The following ARID1B variants were observed in gnomAD, a reference collection of about 807,000 sequenced individuals.
ARID1B encodes AT-rich interaction domain 1B.
A neutral mutation model predicts 212.3 loss-of-function variants in ARID1B; 30 were observed. The ratio of observed to expected loss-of-function variants is 0.14; its 90% CI spans 0.11 to 0.19. The LOEUF (loss-of-function observed/expected upper bound fraction) is 0.19. Ranked by LOEUF, ARID1B falls within the 10% of genes least tolerant of loss-of-function variation. The probability of loss-of-function intolerance (pLI) is 1.00; values close to 1 mark genes in which losing one functional copy is unlikely to be tolerated. For synonymous variants in ARID1B, 1,402 were observed against 1,301.7 expected (o/e 1.08, Z -1.66); for missense variants, 2,891 against 3,204.0 (o/e 0.90, Z 2.36).
chr6:157,095,438 A>T (rs1308716067), intron 5 of ARID1B, among the ~76,000 whole-genome samples: 1 of 152,264 alleles, frequency 6.6e-6, no homozygotes, highest in African/African-American at 2.4e-5. Flanking sequence ...TGGGGTACCC[A>T]AAAAGGTAGA....
intron 4 of ARID1B, among the ~76,000 whole-genome samples, chr6:157,053,757 G>A (rs1782754816): frequency 6.6e-6 from 1 of 152,068 alleles, no homozygotes; most frequent in African/African-American, 2.4e-5. Flanking sequence ...GATTTATTAT[G>A]ATAGCATGAA....
chr6:157,036,531 A>T (rs1781337570), intron 4 of ARID1B: 1 of 280,040 alleles, frequency 3.6e-6, no homozygotes, highest in Non-Finnish European at 7.1e-6. Flanking sequence ...GGTGAGAAGG[A>T]TGATTCTACT....
chr6:157,145,710 G>A (rs1789678920), intron 7 of ARID1B, among the ~76,000 whole-genome samples: 1 of 152,186 alleles, frequency 6.6e-6, no homozygotes, highest in African/African-American at 2.4e-5. Context: ...AGCAGAGTGT[G>A]TCATGCTTGG....
intron 3 of ARID1B, among the ~76,000 whole-genome samples, chr6:156,912,082 T>C: frequency 6.6e-6 from 1 of 152,214 alleles, no homozygotes; most frequent in South Asian, 2.1e-4. Flanking sequence ...AAACATGTAA[T>C]GCATATATAA....
At chr6:157,099,959 T>TTA (rs1260359388) in intron 5 of ARID1B, among the ~76,000 whole-genome samples, 5 of 152,162 alleles carry the variant, frequency 3.3e-5, no homozygotes, top group African/African-American at 1.2e-4. Context: ...ATCTGTATTT[T>TTA]TAGGACCTAA....
chr6:156,979,052 AAAGTG>A (rs1777443089), intron 4 of ARID1B, among the ~76,000 whole-genome samples: 4 of 152,214 alleles, frequency 2.6e-5, no homozygotes, highest in Admixed American at 2.0e-4. Context: ...ATGTTTCTGT[AAAGTG>A]AAGTATCCTG....
At chr6:157,183,735 G>A (rs1231226370) in intron 12 of ARID1B, among the ~76,000 whole-genome samples, 1 of 152,166 alleles carries the variant, frequency 6.6e-6, no homozygotes, top group Non-Finnish European at 1.5e-5. Flanking sequence ...GGGGGCCGTT[G>A]GTCCAGGGGC....
chr6:156,937,698 G>A (rs1174726213), intron 4 of ARID1B: 2 of 152,168 alleles, frequency 1.3e-5, no homozygotes, highest in Admixed American at 6.5e-5. Flanking sequence ...CTGGAAGAGT[G>A]GATGAAGGCA....
intron 19 of ARID1B, chr6:157,204,705 G>C (rs532101163): frequency 6.6e-6 from 1 of 152,340 alleles, no homozygotes; most frequent in East Asian, 1.9e-4. Flanking sequence ...ATAATAGCTA[G>C]AAGAGAGGAG....
intron 4 of ARID1B, among the ~76,000 whole-genome samples, chr6:156,967,312 C>T (rs1335177378): frequency 6.6e-6 from 1 of 152,204 alleles, no homozygotes. Flanking sequence ...TACAAATTCA[C>T]ATGCAGTCTT....
intron 4 of ARID1B, among the ~76,000 whole-genome samples, chr6:156,977,825 C>G (rs1335160228): frequency 6.6e-6 from 1 of 152,160 alleles, no homozygotes; most frequent in Non-Finnish European, 1.5e-5. Flanking sequence ...GTCTGGGACC[C>G]AGGCATATTA....
Position 157,189,790 on chromosome 6 carries a change from A to G in ARID1B, c.4058+10A>G, listed in dbSNP as rs774980433. 3.7e-6 allele frequency: 6 copies of G among 1,613,256 alleles called. No homozygotes were observed. Among genetic ancestry groups the G allele is most frequent in the Non-Finnish European group, 4.2e-6 (5 of 1,179,838 alleles). Reference sequence around the variant, plus strand: ...CAATGCAAGGTGGAAGGTATGTTCAAATAACTCTGTGAGGCATACAAAGTC... The same window carrying G: ...CAATGCAAGGTGGAAGGTATGTTCAGATAACTCTGTGAGGCATACAAAGTC... On this transcript the variant is annotated intron_variant, in intron 14 of 19. Coordinates refer to ENST00000636930, the MANE Select transcript of ARID1B (RefSeq NM_001374828.1).
Position 157,110,498 on chromosome 6 carries a change from G to A in ARID1B, c.2518G>A (p.Gly840Arg), listed in dbSNP as rs1281293131. The A allele has an allele frequency of 5.6e-6, 9 of 1,614,060 alleles. No homozygotes were observed. The highest frequency in any genetic ancestry group is 1.1e-5 in the South Asian group (1 of 91,074). Residue 840 changes from glycine to arginine, a missense_variant, in exon 6 of 20, where the codon GGG becomes AGG. Gly to Arg is a moderately radical substitution (Grantham distance 125). This residue lies in a region of ARID1B where 1,643 missense variants were observed against 1,544.0 expected (regional missense o/e 1.06). Transcript: ENST00000636930. ...TAGTCAGATGCCTCCGCAGCCACCC[G>A]GGAGCCAGTCAGAATCCAGTTCCCA... The part of the protein sequence containing the change: ...PGSQMPPQPP[G>R]SQSESSSHPA...
chr6:156,812,936 GTGTGT>G (rs1562403918), intron 1 of ARID1B, among the ~76,000 whole-genome samples: 19 of 34,338 alleles, frequency 5.5e-4, no homozygotes, highest in African/African-American at 2.4e-3. Context: ...AATCCTGGGT[GTGTGT>G]GTGTGTGTGT....
intron 4 of ARID1B, among the ~76,000 whole-genome samples, chr6:157,013,764 C>T (rs1779748944): frequency 6.6e-6 from 1 of 152,190 alleles, no homozygotes; most frequent in Non-Finnish European, 1.5e-5. Flanking sequence ...AGCCAAATTA[C>T]ATACCAGCAC....
chr6:156,817,644 C>CA (rs1218999008), intron 1 of ARID1B, among the ~76,000 whole-genome samples: 96 of 150,048 alleles, frequency 6.4e-4, no homozygotes, highest in South Asian at 4.6e-3. Context: ...AAAAAAAAAA[C>CA]CACACACACA....
At chr6:156,857,807 G>T (rs974395051) in intron 2 of ARID1B, among the ~76,000 whole-genome samples, 1 of 152,176 alleles carries the variant, frequency 6.6e-6, no homozygotes, top group Non-Finnish European at 1.5e-5. Flanking sequence ...AACCTAGATG[G>T]TATAGCCTGC....
At chr6:156,863,730 CTG>C (rs916547245) in intron 2 of ARID1B, among the ~76,000 whole-genome samples, 128 of 152,270 alleles carry the variant, frequency 8.4e-4, no homozygotes, top group African/African-American at 3.0e-3. Flanking sequence ...TACTCCAGTT[CTG>C]TGTCTTGATT....
intron 3 of ARID1B, chr6:156,902,086 G>A (rs1788991660): frequency 6.5e-6 from 1 of 153,696 alleles, no homozygotes; most frequent in South Asian, 2.0e-4. Context: ...GCAGTTTCTA[G>A]TTTAAATTAG....
Sources: allele counts gnomAD v4.1 joint callset (sites outside exome capture counted in the v4.1 genomes callset), GRCh38; gene constraint gnomAD v4.1.1; regional missense constraint gnomAD v4.1.1; transcripts MANE v1.5; gene names NCBI Gene and HGNC (gene_info 2026-07-23, HGNC 2026-07-21).